The following MSH6 variants were observed in gnomAD, a reference collection of about 807,000 sequenced individuals.
MSH6 encodes the protein DNA mismatch repair protein Msh6.
A neutral mutation model predicts 119.1 loss-of-function variants in MSH6; 85 were observed. The ratio of observed to expected loss-of-function variants is 0.71; its 90% CI spans 0.60 to 0.85. MSH6 has a LOEUF of 0.85. Among genes scored for constraint, MSH6 ranks in the 40% least tolerant of loss-of-function variants. The probability of loss-of-function intolerance (pLI) is 0.00; values close to 1 mark genes in which losing one functional copy is unlikely to be tolerated. For synonymous variants in MSH6, 830 were observed against 586.9 expected (o/e 1.41, Z -5.99); for missense variants, 2,163 against 1,655.3 (o/e 1.31, Z -5.32).
intron 2 of MSH6, among the ~76,000 whole-genome samples, chr2:47,794,103 G>T (rs1265975775): frequency 2.0e-5 from 3 of 151,080 alleles, no homozygotes; most frequent in African/African-American, 7.3e-5. Flanking sequence ...CACTTTGGGA[G>T]ACTAAGGTAG....
chr2:47,800,941 C>A lies in MSH6; in HGVS notation c.2958C>A (p.Thr986=), dbSNP rs757866392. The A allele has an allele frequency of 6.4e-6, 10 of 1,574,222 alleles. No homozygotes were observed. In the African/African-American group the frequency reaches 1.4e-4, roughly 22 times the overall value. ...RYQLEIPENF[T]TRNLPEEYEL... ...AGCTGGAAATTCCTGAGAATTTCACCACTCGCAATTTGCCAGAAGAATACG... is the reference window on the plus strand; with the variant it reads ...AGCTGGAAATTCCTGAGAATTTCACAACTCGCAATTTGCCAGAAGAATACG... Residue 986 remains threonine, a synonymous_variant, in exon 4 of 10, where the codon ACC becomes ACA. Coordinates refer to ENST00000234420, the MANE Select transcript of MSH6 (RefSeq NM_000179.3).
chr2:47,801,008 A>G lies in MSH6; in HGVS notation c.3025A>G (p.Lys1009Glu), dbSNP rs780187287. The G allele has an allele frequency of 1.9e-6, 3 of 1,570,164 alleles. No homozygotes were observed. The highest frequency in any genetic ancestry group is 1.7e-6 in the Non-Finnish European group (2 of 1,159,920). ...TKKGCKRYWTKTIEKKLANLI... is the reference protein window; with the variant it reads ...TKKGCKRYWTETIEKKLANLI... ...GAAGGGCTGTAAACGATACTGGACC[A>G]AAACTATTGAAAAGAAGTTGGCTAA... The change falls in exon 4 of 10, where the codon AAA (lysine) becomes GAA (glutamate). Residue 1009 changes from lysine to glutamate, a missense_variant. By Grantham distance (56) the Lys-to-Glu change is moderately conservative. Transcript: ENST00000234420.
intron 8 of MSH6, 41 bp from the exon 9 acceptor site, chr2:47,806,411 T>G: frequency 6.2e-7 from 1 of 1,612,318 alleles, no homozygotes; most frequent in Non-Finnish European, 8.5e-7. Flanking sequence ...AGGGCACTTC[T>G]CTTGCTAGCA....
rs3136337 is a variant in MSH6 at position 47,801,326 on chromosome 2, C to T, written c.3172+171C>T. The stretch of plus-strand genomic sequence containing the variant: ...ACAGCAATTTAAGTTACTTGAAACT[C>T]GCTTTTATCTTAGTAGCCCTTTGGC... On this transcript the variant is annotated intron_variant, in intron 4 of 9. Transcript: ENST00000234420. The T allele has an allele frequency of 0.13, 43,112 of 342,972 alleles. 2,563 individuals carry two copies. Among genetic ancestry groups the T allele is most frequent in the Non-Finnish European group, 0.16 (32,421 of 200,294 alleles). The allele number at this position is 342,972 out of a possible 1,614,324, so 21.2% of individuals were successfully genotyped here.
chr2:47,801,155 G>C lies in MSH6; in HGVS notation c.3172G>C (p.Asp1058His), dbSNP rs863225404. Residue 1058 changes from aspartate (D) to histidine (H), a missense_variant and splice_region_variant, in exon 4 of 10, where the codon GAT (aspartate) becomes CAT (histidine). Physicochemically the swap from Asp to His is moderately conservative, Grantham distance 81. Transcript: ENST00000234420. Reference sequence around the variant, plus strand: ...TGCTGTAGAGTGTATCGCAGTGTTGGGTAAGACTTTGAACAAGCTTGTTCT... The same window carrying C: ...TGCTGTAGAGTGTATCGCAGTGTTGCGTAAGACTTTGAACAAGCTTGTTCT... Reference protein sequence around the residue: ...QSAVECIAVLDVLLCLANYSR... With the variant: ...QSAVECIAVLHVLLCLANYSR... 6.2e-7 allele frequency: 1 copy of C among 1,609,058 alleles called. No individual in the cohort carries two copies. Among genetic ancestry groups the C allele is most frequent in the Non-Finnish European group, 8.5e-7 (1 of 1,179,930 alleles).
intron 1 of MSH6, chr2:47,784,204 G>A (rs1668205715): frequency 3.0e-6 from 3 of 1,004,658 alleles, no homozygotes; most frequent in Non-Finnish European, 3.6e-6. Context: ...GGGGCCGTGG[G>A]GAGCCGAAGT....
chr2:47,787,085 G>A lies in MSH6; in HGVS notation c.260+3592G>A, dbSNP rs1179572008. Among the ~76,000 whole-genome samples the A allele has an allele frequency of 2.6e-5, 4 of 152,110 alleles. No homozygotes were observed. The South Asian group carries it at 8.3e-4, about 32-fold the overall frequency. On this transcript the variant is annotated intron_variant, in intron 1 of 9. Coordinates refer to ENST00000234420, the MANE Select transcript of MSH6 (RefSeq NM_000179.3). ...TCATGCCTGTAAACCCAACACTTTG[G>A]GAGGCCAAGGCAGGCCAACATGGCT... is the stretch of plus-strand genomic sequence containing the variant.
At chr2:47,795,214 G>C (rs1032965258) in intron 2 of MSH6, among the ~76,000 whole-genome samples, 3 of 152,070 alleles carry the variant, frequency 2.0e-5, no homozygotes, top group Non-Finnish European at 2.9e-5. Flanking sequence ...AGTAGTCCTG[G>C]GTGAACCCAT....
chr2:47,809,306 G>T, downstream of MSH6: 2 of 1,321,350 alleles, frequency 1.5e-6, no homozygotes, highest in Non-Finnish European at 1.1e-6. Context: ...TCAGAGGAAT[G>T]TTAATATTTT....
At chr2:47,796,938 A>G (rs534280310) in intron 3 of MSH6, among the ~76,000 whole-genome samples, 1 of 152,314 alleles carries the variant, frequency 6.6e-6, no homozygotes, top group Admixed American at 6.5e-5. Flanking sequence ...AGATCGCACC[A>G]CTGCATTCCA....
At position 47,805,468 on chromosome 2, in the gene MSH6, G is replaced by A. The variant is rs543201523; in HGVS notation, c.3557-150G>A. The A allele has an allele frequency of 4.7e-5, 32 of 677,996 alleles. 1 individual carries two copies. Among genetic ancestry groups the A allele is most frequent in the African/African-American group, 1.3e-4 (7 of 55,636 alleles). The allele number at this position is 677,996 out of a possible 1,614,324, so 42.0% of individuals were successfully genotyped here. On this transcript the variant is annotated intron_variant, in intron 6 of 9. Transcript: ENST00000234420. ...GCTGGGATTACAGGCGTGAGCCACC[G>A]TGCCCGGCCAATAATTGCATAGTCT...
downstream of MSH6, chr2:47,809,019 T>C (rs1045088653): frequency 8.6e-6 from 5 of 579,062 alleles, no homozygotes; most frequent in Non-Finnish European, 1.5e-5. Context: ...TTAAACACGA[T>C]CTTCAAGTAG....
In MSH6 at chr2:47,803,645, C is replaced by A. The variant is rs730881805; in HGVS notation, c.3398C>A (p.Thr1133Asn). 1.2e-6 allele frequency: 2 copies of A among 1,614,066 alleles called. No homozygotes were observed. Among genetic ancestry groups the A allele is most frequent in the African/African-American group, 2.7e-5 (2 of 74,920 alleles). The stretch of plus-strand genomic sequence containing the variant: ...GGCAAAGCCTATTGTGTGCTTGTTA[C>A]TGGACCAAATATGGGGGGCAAGTCT... ...ENGKAYCVLV[T>N]GPNMGGKSTL... Residue 1133 changes from threonine (T) to asparagine (N), a missense_variant, in exon 5 of 10, where the codon ACT becomes AAT. Coordinates refer to ENST00000234420, the MANE Select transcript of MSH6 (RefSeq NM_000179.3).
chr2:47,795,778 A>T, intron 2 of MSH6, 116 bp from the exon 3 acceptor site: 1 of 884,386 alleles, frequency 1.1e-6, no homozygotes, highest in African/African-American at 1.7e-5. Context: ...GCATATATAT[A>T]TTTTAAGATA....
At chr2:47,796,950 C>G (rs1296284079) in intron 3 of MSH6, among the ~76,000 whole-genome samples, 1 of 152,062 alleles carries the variant, frequency 6.6e-6, no homozygotes, top group African/African-American at 2.4e-5. Context: ...TGCATTCCAG[C>G]CAGGGTGACA....
In MSH6 at chr2:47,796,083, C is replaced by G. The variant is rs376929025; in HGVS notation, c.627+20C>G. The G allele has an allele frequency of 6.2e-7, 1 of 1,613,342 alleles. No homozygotes were observed. The highest frequency in any genetic ancestry group is 1.7e-5 in the Admixed American group (1 of 59,972). On this transcript the variant is annotated intron_variant, in intron 3 of 9. Coordinates refer to ENST00000234420, the MANE Select transcript of MSH6 (RefSeq NM_000179.3). ...ATGGAGGTGGGACACGGCAAGCATT[C>G]AGTTGTTATTTATGTTAGGGTGATG...
At position 47,805,798 on chromosome 2, in the gene MSH6, T is replaced by C. The variant is rs3136359; in HGVS notation, c.3646+91T>C. The C allele has an allele frequency of 0.75, 753,230 of 1,008,616 alleles. 283,397 individuals are homozygous for C. The highest frequency in any genetic ancestry group is 0.92 in the African/African-American group (57,937 of 62,992). 62.5% of individuals were successfully genotyped at this position (1,008,616 alleles called of 1,614,324 possible). A position where few individuals can be genotyped will look rare whatever the true frequency, so the allele number is the denominator to read the frequency against. On this transcript the variant is annotated intron_variant, in intron 7 of 9. Coordinates refer to ENST00000234420, the MANE Select transcript of MSH6 (RefSeq NM_000179.3). ...TTATAGAAGATTATCTGAAGTACAT[T>C]TAAACAATATGAATGTTTTTAGAGC...
At chr2:47,806,956 A>G (rs1041484799), downstream of MSH6, 11 of 951,960 alleles carry the variant, frequency 1.2e-5, no homozygotes, top group Admixed American at 4.0e-5. Context: ...AAAAATGACC[A>G]TTTTTCCATT....
rs35781475 is a variant in MSH6, at chr2:47,805,183, CT to C, written c.3556+170del. Among the ~76,000 whole-genome samples the C allele has an allele frequency of 2.6e-3, 367 of 140,992 alleles. 3 individuals carry two copies. The highest frequency in any genetic ancestry group is 3.4e-3 in the East Asian group (17 of 4,996). The allele number at this position is 140,992 out of a possible 152,430, so 92.5% of individuals were successfully genotyped here. A position where few individuals can be genotyped will look rare whatever the true frequency, so the allele number is the denominator to read the frequency against. ...TTTAAGAACTGCATAGTCTCTCTCT[CT>C]TTTTTTTTTTTTTGAGATGGAGTTT... On this transcript the variant is annotated intron_variant, in intron 6 of 9. Transcript: ENST00000234420.
Sources: gnomAD v4.1 joint callset for allele counts (sites outside exome capture counted in the v4.1 genomes callset) on GRCh38, gnomAD v4.1.1 for gene constraint, MANE v1.5 for transcripts, NCBI Gene and HGNC (gene_info 2026-07-23, HGNC 2026-07-21) for gene names.